Variants in GABBR2 observed in about 807,000 individuals in gnomAD.
GABBR2 encodes gamma-aminobutyric acid type B receptor subunit 2.
Under a neutral mutation model 105.6 loss-of-function variants are expected in GABBR2, and 23 were observed. The observed-to-expected ratio is 0.22, with a 90% CI of 0.16 to 0.31. The LOEUF is 0.31. Among genes scored for constraint, GABBR2 ranks in the 10% least tolerant of loss-of-function variants. The probability of loss-of-function intolerance (pLI) is 1.00; values close to 1 mark genes in which losing one functional copy is unlikely to be tolerated. For missense variants in GABBR2, 734 were observed against 1,245.5 expected (o/e 0.59, Z 6.18); for synonymous variants, 478 against 499.7 (o/e 0.96, Z 0.58).
chr9:98,300,585 T>C (rs1830453041), intron 16 of GABBR2, among the ~76,000 whole-genome samples: 1 of 152,198 alleles, frequency 6.6e-6, no homozygotes, highest in Admixed American at 6.5e-5. Context: ...ACCATATCTG[T>C]ATAATAGAAT....
intron 1 of GABBR2, among the ~76,000 whole-genome samples, chr9:98,689,011 G>A (rs777205957): frequency 2.6e-5 from 4 of 152,190 alleles, no homozygotes; most frequent in Non-Finnish European, 2.9e-5. Flanking sequence ...CAAACTTCTG[G>A]AGGAGGTCAC....
chr9:98,424,089 C>G (rs566006907), intron 7 of GABBR2, among the ~76,000 whole-genome samples: 1 of 152,238 alleles, frequency 6.6e-6, no homozygotes, highest in East Asian at 1.9e-4. Context: ...CAATAAAATA[C>G]TGGCAAACCG....
intron 3 of GABBR2, among the ~76,000 whole-genome samples, chr9:98,504,636 C>T (rs7027596): frequency 1.3e-5 from 2 of 152,170 alleles, no homozygotes; most frequent in African/African-American, 2.4e-5. Context: ...CTATATATAG[C>T]CATGAATTGT....
intron 17 of GABBR2, among the ~76,000 whole-genome samples, chr9:98,297,412 A>C (rs376902392): frequency 4.0e-5 from 6 of 151,898 alleles, no homozygotes; most frequent in African/African-American, 9.7e-5. Context: ...GGAGTTCGAG[A>C]CCAGCCTGGC....
intron 7 of GABBR2, among the ~76,000 whole-genome samples, chr9:98,421,306 T>C (rs1331637523): frequency 6.7e-6 from 1 of 148,496 alleles, no homozygotes; most frequent in African/African-American, 2.6e-5. Flanking sequence ...CAAGTATGTA[T>C]AAAAATCGAC....
At chr9:98,406,197 C>T in intron 7 of GABBR2, 56 bp from the exon 8 acceptor site, 1 of 953,908 alleles carries the variant, frequency 1.0e-6, no homozygotes, top group Non-Finnish European at 1.6e-6. Flanking sequence ...CCACATTAGC[C>T]CAAACGCCAC....
rs546195410 is a variant in GABBR2, at chr9:98,699,490, A to T, written c.321+8927T>A. On this transcript the variant is annotated intron_variant, in intron 1 of 18. Transcript: ENST00000259455. ...TACTCCATTTGTTAAAACTCTGCCC[A>T]TTAATCCTCTTAGAACTGGAGAGCT... Among the ~76,000 whole-genome samples the T allele has an allele frequency of 6.6e-5, 10 of 152,300 alleles. No homozygotes were observed. The South Asian group carries it at 2.1e-3, about 32-fold the overall frequency.
chr9:98,675,395 G>A (rs72731079), intron 1 of GABBR2, among the ~76,000 whole-genome samples: 5 of 152,250 alleles, frequency 3.3e-5, no homozygotes, highest in Non-Finnish European at 7.4e-5. Flanking sequence ...AGGCTATGAA[G>A]AAAGGCTAGG....
intron 7 of GABBR2, among the ~76,000 whole-genome samples, chr9:98,409,135 TGAGG>T (rs1486348699): frequency 6.6e-6 from 1 of 152,164 alleles, no homozygotes; most frequent in South Asian, 2.1e-4. Context: ...CGGAACACAG[TGAGG>T]GAGGCAGGGT....
At chr9:98,578,200 T>C in intron 1 of GABBR2, 128 bp from the exon 2 acceptor site, 1 of 994,700 alleles carries the variant, frequency 1.0e-6, no homozygotes, top group South Asian at 1.4e-5. Context: ...GTGGGGAGTC[T>C]CCTTAAGCCA....
chr9:98,362,595 G>T (rs574338258), intron 13 of GABBR2, 120 bp downstream of exon 13: 2 of 701,242 alleles, frequency 2.9e-6, no homozygotes, highest in African/African-American at 1.8e-5. Context: ...GGAAGGAAAT[G>T]GAACTGATGA....
intron 1 of GABBR2, among the ~76,000 whole-genome samples, chr9:98,592,692 T>A (rs1426273916): frequency 2.0e-5 from 3 of 152,072 alleles, no homozygotes; most frequent in Non-Finnish European, 4.4e-5. Context: ...GTTGTAGAAA[T>A]GATTATTTCA....
chr9:98,377,443 T>C (rs1484713985), intron 11 of GABBR2, among the ~76,000 whole-genome samples: 2 of 152,184 alleles, frequency 1.3e-5, no homozygotes, highest in Non-Finnish European at 2.9e-5. Flanking sequence ...TTATTTTAAG[T>C]CTTCCCTGAT....
intron 4 of GABBR2, among the ~76,000 whole-genome samples, chr9:98,487,231 G>A (rs983795829): frequency 8.5e-5 from 13 of 152,136 alleles, no homozygotes; most frequent in African/African-American, 3.1e-4. Context: ...GCAGCTTTGC[G>A]TCCCCTTGGG....
rs191062059 is a variant in GABBR2, at chr9:98,567,535, T to A, written c.459+10400A>T. Among the ~76,000 whole-genome samples, 130 of 152,310 alleles carry A rather than the reference T, an allele frequency of 8.5e-4. 1 individual carries two copies. Among genetic ancestry groups the A allele is most frequent in the African/African-American group, 3.1e-3 (129 of 41,562 alleles). On this transcript the variant is annotated intron_variant, in intron 2 of 18. Coordinates refer to ENST00000259455, the MANE Select transcript of GABBR2 (RefSeq NM_005458.8). ...AGAGTTAATTTCATCCACACAACTT[T>A]AGATCTGAAGACAAATGGAGACCTA...
At position 98,486,885 on chromosome 9, in the gene GABBR2, T is replaced by G. The variant is rs559817316; in HGVS notation, c.733-5888A>C. Among the ~76,000 whole-genome samples the G allele has an allele frequency of 3.9e-5, 6 of 152,226 alleles. No homozygotes were observed. The South Asian group carries it at 1.0e-3, about 26-fold the overall frequency. On this transcript the variant is annotated intron_variant, in intron 4 of 18. Coordinates refer to ENST00000259455, the MANE Select transcript of GABBR2 (RefSeq NM_005458.8). The stretch of plus-strand genomic sequence containing the variant: ...TGACAAACTGATCCCATACCCACAA[T>G]GAGTAGTCCCTTTTATTTAGCTAAA...
At position 98,582,563 on chromosome 9, in the gene GABBR2, T is replaced by G. The variant is rs576236851; in HGVS notation, c.322-4491A>C. Among the ~76,000 whole-genome samples, 20 of 152,302 alleles carry G rather than the reference T, an allele frequency of 1.3e-4. 1 individual carries two copies. The South Asian group carries it at 3.9e-3, about 30-fold the overall frequency. On this transcript the variant is annotated intron_variant, in intron 1 of 18. Transcript: ENST00000259455. ...TAGGTGTGGTTTACATCACCAAATT[T>G]GTGGTGATCAGTTACAGCAGCATAG...
chr9:98,315,949 C>T (rs1830709245), intron 13 of GABBR2, among the ~76,000 whole-genome samples: 1 of 152,260 alleles, frequency 6.6e-6, no homozygotes, highest in African/African-American at 2.4e-5. Flanking sequence ...TCAGGCTATA[C>T]TTGGGCACTG....
intron 3 of GABBR2, among the ~76,000 whole-genome samples, chr9:98,522,427 A>AT (rs1309732782): frequency 2.6e-5 from 4 of 152,138 alleles, no homozygotes; most frequent in Admixed American, 1.3e-4. Flanking sequence ...GCTATGTGCC[A>AT]TTTTTTCTTT....
Sources: allele counts gnomAD v4.1 joint callset (sites outside exome capture counted in the v4.1 genomes callset), GRCh38; gene constraint gnomAD v4.1.1; transcripts MANE v1.5; gene names NCBI Gene and HGNC (gene_info 2026-07-23, HGNC 2026-07-21).